Variants in DLGAP2 observed in about 807,000 individuals in gnomAD.
DLGAP2 encodes the protein disks large-associated protein 2.
DLGAP2 carries 26 observed loss-of-function variants against 100.3 expected under a neutral mutation model. The observed-to-expected ratio is 0.26, with a 90% CI of 0.19 to 0.36. The LOEUF (loss-of-function observed/expected upper bound fraction) is 0.36. Ranked by LOEUF, DLGAP2 falls within the 10% of genes least tolerant of loss-of-function variation. DLGAP2 has a pLI of 1.00. For synonymous variants in DLGAP2, 886 were observed against 630.1 expected (o/e 1.41, Z -6.08); for missense variants, 1,858 against 1,453.2 (o/e 1.28, Z -4.53).
At chr8:879,427 G>A (rs1027065901) in intron 1 of DLGAP2, among the ~76,000 whole-genome samples, 1 of 152,182 alleles carries the variant, frequency 6.6e-6, no homozygotes, top group African/African-American at 2.4e-5. Flanking sequence ...TCCCATGCAG[G>A]TGTCACTTTC....
chr8:1,522,287 C>T (rs1267565668), intron 4 of DLGAP2, among the ~76,000 whole-genome samples: 1 of 152,224 alleles, frequency 6.6e-6, no homozygotes, highest in Non-Finnish European at 1.5e-5. Flanking sequence ...TGTTCTGTTT[C>T]TTCAAGCTGT....
At chr8:1,433,449 T>C (rs1451490653) in intron 3 of DLGAP2, among the ~76,000 whole-genome samples, 1 of 152,194 alleles carries the variant, frequency 6.6e-6, no homozygotes, top group East Asian at 1.9e-4. Flanking sequence ...GAAAGGTCTT[T>C]TTGCAAAGGT....
chr8:1,165,611 T>G (rs1206510504), intron 2 of DLGAP2, among the ~76,000 whole-genome samples: 1 of 152,262 alleles, frequency 6.6e-6, no homozygotes, highest in Non-Finnish European at 1.5e-5. Flanking sequence ...CTTGTGAAAT[T>G]GTGCAGTCGC....
At chr8:1,195,751 G>A (rs186367420) in intron 2 of DLGAP2, among the ~76,000 whole-genome samples, 26 of 152,242 alleles carry the variant, frequency 1.7e-4, no homozygotes, top group African/African-American at 5.8e-4. Flanking sequence ...ACAGATAATC[G>A]CATCACCATC....
intron 6 of DLGAP2, among the ~76,000 whole-genome samples, chr8:1,607,415 G>A (rs896489375): frequency 1.3e-5 from 2 of 152,154 alleles, no homozygotes; most frequent in African/African-American, 4.8e-5. Context: ...TTAAGTCACT[G>A]TCCTTTCTCA....
intron 6 of DLGAP2, among the ~76,000 whole-genome samples, chr8:1,618,074 A>G (rs189121189): frequency 9.2e-4 from 140 of 152,304 alleles, no homozygotes; most frequent in Non-Finnish European, 1.4e-3. Flanking sequence ...CAGCTCCTCT[A>G]CTTAACATTC....
intron 4 of DLGAP2, among the ~76,000 whole-genome samples, chr8:1,505,283 A>G (rs1799866728): frequency 6.6e-6 from 1 of 152,210 alleles, no homozygotes; most frequent in African/African-American, 2.4e-5. Flanking sequence ...ATGAGTAACT[A>G]TCATTTCCAA....
intron 1 of DLGAP2, among the ~76,000 whole-genome samples, chr8:774,752 C>G (rs2064674023): frequency 6.7e-6 from 1 of 149,748 alleles, no homozygotes; most frequent in African/African-American, 2.5e-5. Flanking sequence ...GTTACTGTAG[C>G]CTTGTAGTAT....
At chr8:740,753 A>T (rs942029929) in intron 1 of DLGAP2, among the ~76,000 whole-genome samples, 3 of 152,226 alleles carry the variant, frequency 2.0e-5, no homozygotes, top group Non-Finnish European at 4.4e-5. Flanking sequence ...TTATTATATA[A>T]CTGTATTTGA....
chr8:1,444,348 A>C (rs960169267), intron 3 of DLGAP2, among the ~76,000 whole-genome samples: 2 of 152,222 alleles, frequency 1.3e-5, no homozygotes, highest in African/African-American at 4.8e-5. Flanking sequence ...TTAACTGTTA[A>C]CAACACTACC....
chr8:1,191,448 GC>G (rs1797637420), intron 2 of DLGAP2, among the ~76,000 whole-genome samples: 1 of 152,272 alleles, frequency 6.6e-6, no homozygotes, highest in East Asian at 1.9e-4. Context: ...GGGATTATAG[GC>G]GTGAGCCACC....
chr8:1,136,823 C>A (rs1796424699), intron 2 of DLGAP2, among the ~76,000 whole-genome samples: 1 of 152,112 alleles, frequency 6.6e-6, no homozygotes, highest in African/African-American at 2.4e-5. Context: ...TGGCTGCTCT[C>A]CAGAATGACC....
intron 2 of DLGAP2, among the ~76,000 whole-genome samples, chr8:1,256,432 G>A (rs1056475742): frequency 5.9e-5 from 8 of 136,070 alleles, no homozygotes; most frequent in Non-Finnish European, 1.2e-4. Flanking sequence ...GGCGCTGTGC[G>A]TCTGTCCTCT....
chr8:949,077 C>A (rs1799409497), intron 2 of DLGAP2, among the ~76,000 whole-genome samples: 3 of 152,286 alleles, frequency 2.0e-5, no homozygotes, highest in South Asian at 4.1e-4. Context: ...TGACTGCCGC[C>A]GTCTTGAGGG....
chr8:1,564,497 G>A (rs1204523774), intron 5 of DLGAP2, among the ~76,000 whole-genome samples: 1 of 152,200 alleles, frequency 6.6e-6, no homozygotes. Context: ...CAGATACACA[G>A]CACAGGGGGG....
intron 3 of DLGAP2, among the ~76,000 whole-genome samples, chr8:1,416,616 T>C (rs2129908112): frequency 6.6e-6 from 1 of 152,286 alleles, no homozygotes; most frequent in East Asian, 1.9e-4. Flanking sequence ...AACAGTTTTT[T>C]GTCACCTCAA....
At chr8:787,276 C>G (rs563120750) in intron 1 of DLGAP2, among the ~76,000 whole-genome samples, 232 of 152,284 alleles carry the variant, frequency 1.5e-3, no homozygotes, top group African/African-American at 5.2e-3. Context: ...CCTGACGCGT[C>G]TGTTCTCTCA....
At chr8:1,324,974 G>A (rs1284989934) in intron 3 of DLGAP2, among the ~76,000 whole-genome samples, 2 of 152,110 alleles carry the variant, frequency 1.3e-5, no homozygotes, top group East Asian at 1.9e-4. Flanking sequence ...TGAGAATTAC[G>A]GATTCACAAA....
intron 6 of DLGAP2, among the ~76,000 whole-genome samples, chr8:1,568,576 A>C (rs1305198073): frequency 7.6e-6 from 1 of 131,364 alleles, no homozygotes; most frequent in Non-Finnish European, 1.6e-5. Context: ...CTCAGCAGAC[A>C]CAAATCCGTC....
Sources: gnomAD v4.1 joint callset for allele counts (sites outside exome capture counted in the v4.1 genomes callset) on GRCh38, gnomAD v4.1.1 for gene constraint, MANE v1.5 for transcripts, NCBI Gene and HGNC (gene_info 2026-07-23, HGNC 2026-07-21) for gene names.